Variants in NBAS observed in about 807,000 individuals in gnomAD.
NBAS encodes the protein NBAS subunit of NRZ tethering complex, also known as NAG/BC035112 fusion.
Under a neutral mutation model 302.5 loss-of-function variants are expected in NBAS, and 219 were observed. The observed-to-expected ratio is 0.72, with a 90% CI of 0.65 to 0.81. The LOEUF is 0.81. NBAS is among the 30% of genes least tolerant of loss of function. NBAS has a pLI of 0.00. For missense variants in NBAS, 2,932 were observed against 2,841.6 expected, an observed-to-expected ratio of 1.03 and a Z score of -0.72; for synonymous variants, 1,118 against 1,021.6, an observed-to-expected ratio of 1.09 and a Z score of -1.80.
intron 26 of NBAS, among the ~76,000 whole-genome samples, chr2:15,401,653 T>C (rs906101267): frequency 1.3e-5 from 2 of 152,246 alleles, no homozygotes; most frequent in South Asian, 4.1e-4. Context: ...AAAGAAAACA[T>C]ACAAATTTGA....
intron 1 of NBAS, 67 bp downstream of exon 1, chr2:15,561,107 CCTACGTGGCTCCTG>C: frequency 3.2e-6 from 4 of 1,262,848 alleles, no homozygotes; most frequent in South Asian, 2.4e-5. Flanking sequence ...TCTCCACTCC[CCTACGTGGCTCCTG>C]CTACGTGGCT....
chr2:15,018,613 G>A, the NBAS span, among the ~76,000 whole-genome samples: 1 of 151,502 alleles, frequency 6.6e-6, no homozygotes, highest in Non-Finnish European at 1.5e-5. Context: ...AAAATAAAAA[G>A]TTGTTTTGCA....
the NBAS span, among the ~76,000 whole-genome samples, chr2:15,077,934 A>C: frequency 1.3e-5 from 2 of 152,054 alleles, no homozygotes; most frequent in African/African-American, 4.8e-5. Context: ...TGCCCGCCTC[A>C]GCCTCCCAAA....
chr2:15,309,135 T>C, intron 39 of NBAS, 36 bp downstream of exon 39: 1 of 1,545,242 alleles, frequency 6.5e-7, no homozygotes, highest in East Asian at 2.3e-5. Flanking sequence ...TTCCATTTAG[T>C]CATTTTAAAT....
the NBAS span, among the ~76,000 whole-genome samples, chr2:14,997,425 C>T: frequency 5.3e-5 from 8 of 150,862 alleles, no homozygotes; most frequent in South Asian, 1.7e-3. Flanking sequence ...ATTTGCCCAG[C>T]ACTGACCCAA....
At chr2:15,384,771 T>A (rs546881434) in intron 28 of NBAS, among the ~76,000 whole-genome samples, 2 of 152,338 alleles carry the variant, frequency 1.3e-5, no homozygotes, top group East Asian at 1.9e-4. Flanking sequence ...ATCATGAATA[T>A]CATTATTCAA....
the NBAS span, among the ~76,000 whole-genome samples, chr2:15,101,956 T>C: frequency 6.6e-6 from 1 of 152,220 alleles, no homozygotes; most frequent in Admixed American, 6.5e-5. Flanking sequence ...TCCATGGCCT[T>C]GTGGGCCATT....
At chr2:15,108,532 C>T in the NBAS span, among the ~76,000 whole-genome samples, 6 of 152,096 alleles carry the variant, frequency 3.9e-5, no homozygotes, top group African/African-American at 1.4e-4. Flanking sequence ...TATTCTTCAA[C>T]TCTCTAAATG....
At chr2:15,510,709 C>T (rs1662096306) in intron 10 of NBAS, among the ~76,000 whole-genome samples, 1 of 152,120 alleles carries the variant, frequency 6.6e-6, no homozygotes, top group African/African-American at 2.4e-5. Flanking sequence ...GATGAATAGT[C>T]CATGTAAATA....
the NBAS span, among the ~76,000 whole-genome samples, chr2:15,038,194 A>C: frequency 0.82 from 122,076 of 149,138 alleles, 50,313 homozygotes; most frequent in East Asian, 1. Context: ...CTCACCGCAA[A>C]TCCTGCCTGC....
chr2:15,275,915 C>T (rs990162884), intron 43 of NBAS, 97 bp from the exon 44 acceptor site: 21 of 1,044,536 alleles, frequency 2.0e-5, no homozygotes, highest in Admixed American at 5.9e-5. Context: ...TATGTCTGAA[C>T]GCAAAGATCT....
chr2:15,218,898 C>T lies in NBAS; in HGVS notation c.6307G>A (p.Val2103Met), dbSNP rs539418607. ...RPFCADDAWP[V>M]RPRIHVLQIL... The stretch of plus-strand genomic sequence containing the variant: ...TGCAGCACGTGAATGCGGGGCCGCA[C>T]CGGCCAGGCGTCATCAGCACAGAAA... The change falls in exon 48 of 52, where the codon GTG (valine) becomes ATG (methionine). Residue 2103 changes from valine (V) to methionine (M), a missense_variant. Coordinates refer to ENST00000281513, the MANE Select transcript of NBAS (RefSeq NM_015909.4). 7 of 1,614,266 alleles carry T rather than the reference C, an allele frequency of 4.3e-6. No homozygotes were observed. Among genetic ancestry groups the T allele is most frequent in the South Asian group, 1.1e-5 (1 of 91,092 alleles).
chr2:15,045,542 G>A, the NBAS span, among the ~76,000 whole-genome samples: 21 of 151,990 alleles, frequency 1.4e-4, no homozygotes, highest in African/African-American at 5.1e-4. Context: ...AAAATGTGGT[G>A]TATACATATA....
At chr2:15,124,849 C>T in the NBAS span, among the ~76,000 whole-genome samples, 20,695 of 152,090 alleles carry the variant, frequency 0.14, 2,652 homozygotes, top group African/African-American at 0.32. Context: ...TTTCAAAGGA[C>T]GTATCAGAAA....
chr2:14,991,822 A>T, the NBAS span, among the ~76,000 whole-genome samples: 1 of 152,194 alleles, frequency 6.6e-6, no homozygotes, highest in South Asian at 2.1e-4. Context: ...TTTGAGGAGC[A>T]CTGTTCTAGA....
chr2:15,352,496 C>G (rs959594248), intron 34 of NBAS, among the ~76,000 whole-genome samples: 1 of 152,110 alleles, frequency 6.6e-6, no homozygotes, highest in Non-Finnish European at 1.5e-5. Flanking sequence ...GGAAGAGGCC[C>G]AAGGGAGGGA....
the NBAS span, among the ~76,000 whole-genome samples, chr2:14,944,567 C>T: frequency 6.6e-6 from 1 of 152,074 alleles, no homozygotes; most frequent in African/African-American, 2.4e-5. Context: ...ATTAAAAGAA[C>T]AGTGAGATTT....
chr2:15,234,749 T>C lies in NBAS; in HGVS notation c.5944-2A>G. The C allele has an allele frequency of 6.2e-7, 1 of 1,613,808 alleles. No individual in the cohort carries two copies. The highest frequency in any genetic ancestry group is 2.2e-5 in the East Asian group (1 of 44,872). ...GTGACTGTATTTTTGCAGTGTTTCCTGTAAAGACATGGTAATCAGCACTTA... is the reference window on the plus strand; with the variant it reads ...GTGACTGTATTTTTGCAGTGTTTCCCGTAAAGACATGGTAATCAGCACTTA... On this transcript the variant is annotated splice_acceptor_variant, in intron 45 of 51. Transcript: ENST00000281513. LOFTEE classifies it high-confidence loss of function.
In NBAS at chr2:15,378,441, A is replaced by G. The variant is rs191137638; in HGVS notation, c.3590+1161T>C. ...TCAGCAGGCAGGGGACAGAGGACAT[A>G]ATACAATTGAAGATGTGCCTTGACT... On this transcript the variant is annotated intron_variant, in intron 30 of 51. Transcript: ENST00000281513. Among the ~76,000 whole-genome samples, 39 of 152,320 alleles carry G rather than the reference A, an allele frequency of 2.6e-4. No homozygotes were observed. In the East Asian group the frequency reaches 7.3e-3, roughly 29 times the overall value.
Sources: gnomAD v4.1 joint callset for allele counts (sites outside exome capture counted in the v4.1 genomes callset) on GRCh38, gnomAD v4.1.1 for gene constraint, MANE v1.5 for transcripts, NCBI Gene and HGNC (gene_info 2026-07-23, HGNC 2026-07-21) for gene names.